Variants in ROS1 observed in about 807,000 individuals in gnomAD.
ROS1 encodes the protein ROS proto-oncogene 1, receptor tyrosine kinase.
In ROS1, 263 loss-of-function variants were observed where a neutral mutation model predicts 273.5. The observed-to-expected ratio is 0.96, with a 90% CI of 0.87 to 1.06. The LOEUF is 1.06. ROS1 is among the 50% of genes least tolerant of loss of function. ROS1 has a pLI of 0.00. For missense variants in ROS1, 2,833 were observed against 2,751.1 expected, an observed-to-expected ratio of 1.03 and a Z score of -0.67; for synonymous variants, 1,008 against 954.1, an observed-to-expected ratio of 1.06 and a Z score of -1.04.
chr6:117,309,558 C>T (rs1385815706), intron 41 of ROS1, among the ~76,000 whole-genome samples: 3 of 152,102 alleles, frequency 2.0e-5, no homozygotes, highest in Admixed American at 2.0e-4. Flanking sequence ...GCCAGCCCAA[C>T]TTAAAAGTCA....
intron 31 of ROS1, among the ~76,000 whole-genome samples, chr6:117,338,257 A>T (rs562884673): frequency 6.6e-5 from 10 of 152,240 alleles, no homozygotes; most frequent in African/African-American, 2.2e-4. Flanking sequence ...ACATCATTTC[A>T]TTAAATGGAT....
chr6:117,397,398 G>C (rs985182580), intron 7 of ROS1, among the ~76,000 whole-genome samples: 2 of 152,040 alleles, frequency 1.3e-5, no homozygotes, highest in Non-Finnish European at 2.9e-5. Context: ...TTTAAAAAAA[G>C]TCATCAGGAA....
rs561377608 is a variant in ROS1, at chr6:117,320,277, A to G, written c.5760-247T>C. On this transcript the variant is annotated intron_variant, in intron 36 of 43. Transcript: ENST00000368507. ...TAGGCACCTTAATTTTGATAAAAATATATATGTGTATGCATTGCCTCAACA... is the reference window on the plus strand; with the variant it reads ...TAGGCACCTTAATTTTGATAAAAATGTATATGTGTATGCATTGCCTCAACA... Among the ~76,000 whole-genome samples the G allele has an allele frequency of 3.7e-4, 56 of 152,280 alleles. No individual in the cohort carries two copies. In the South Asian group the frequency reaches 6.4e-3, roughly 17 times the overall value.
chr6:117,289,203 T>A (rs1252534813), intron 43 of ROS1, among the ~76,000 whole-genome samples: 1 of 152,258 alleles, frequency 6.6e-6, no homozygotes, highest in Non-Finnish European at 1.5e-5. Context: ...TGTACTTTTT[T>A]ATACTTCCAC....
chr6:117,314,231 A>C (rs886399173), intron 39 of ROS1, among the ~76,000 whole-genome samples: 1 of 152,114 alleles, frequency 6.6e-6, no homozygotes, highest in African/African-American at 2.4e-5. Context: ...GTATAGTGAA[A>C]ATTTTCATAA....
intron 6 of ROS1, among the ~76,000 whole-genome samples, chr6:117,403,531 C>T (rs905474869): frequency 2.0e-5 from 3 of 152,074 alleles, no homozygotes; most frequent in African/African-American, 7.2e-5. Context: ...TATGTTAGTA[C>T]ACATAGTATC....
At chr6:117,366,587 C>T (rs9387466) in intron 18 of ROS1, among the ~76,000 whole-genome samples, 60,368 of 151,846 alleles carry the variant, frequency 0.4, 12,795 homozygotes, top group African/African-American at 0.53. Flanking sequence ...GATCACAGTT[C>T]GCTGCAACCT....
intron 18 of ROS1, among the ~76,000 whole-genome samples, chr6:117,376,149 G>A (rs1254638440): frequency 1.3e-5 from 2 of 151,982 alleles, no homozygotes; most frequent in African/African-American, 2.4e-5. Flanking sequence ...CTTTTAGCAG[G>A]AGTGATCAAG....
chr6:117,336,857 A>G (rs1437961438), intron 32 of ROS1, among the ~76,000 whole-genome samples: 1 of 152,134 alleles, frequency 6.6e-6, no homozygotes, highest in Non-Finnish European at 1.5e-5. Context: ...TAGCCAATAA[A>G]TATTTTTTGA....
intron 18 of ROS1, among the ~76,000 whole-genome samples, chr6:117,373,430 G>A (rs962595161): frequency 1.7e-4 from 26 of 152,232 alleles, no homozygotes; most frequent in Non-Finnish European, 1.3e-4. Flanking sequence ...GCCTTGCCCC[G>A]CAGGGAGGCG....
At chr6:117,371,622 C>T (rs374819767) in intron 18 of ROS1, among the ~76,000 whole-genome samples, 17 of 152,248 alleles carry the variant, frequency 1.1e-4, no homozygotes, top group African/African-American at 4.1e-4. Context: ...ACACAGAAAC[C>T]ATGACAGGTG....
chr6:117,392,023 C>A (rs971777943), intron 12 of ROS1, among the ~76,000 whole-genome samples: 3 of 152,084 alleles, frequency 2.0e-5, no homozygotes, highest in Non-Finnish European at 4.4e-5. Flanking sequence ...CCACTGAAGA[C>A]CTCAGTGATC....
At chr6:117,315,474 C>T (rs1775852733) in intron 39 of ROS1, among the ~76,000 whole-genome samples, 1 of 151,994 alleles carries the variant, frequency 6.6e-6, no homozygotes, top group Non-Finnish European at 1.5e-5. Flanking sequence ...AGGCAAAAAA[C>T]AGACCACTGA....
At position 117,386,946 on chromosome 6, in the gene ROS1, G is replaced by C. The variant is rs924678775; in HGVS notation, c.2053C>G (p.Pro685Ala). 1 of 1,612,960 alleles carries C rather than the reference G, an allele frequency of 6.2e-7. No homozygotes were observed. The highest frequency in any genetic ancestry group is 1.1e-5 in the South Asian group (1 of 91,004). ...AVKEDGLWSK[P>A]LNSFGPGEFL... ...TCTCCTGGGCCAAAGCTATTTAATG[G>C]TTTACTCCAAAGCCCATCTTCTTTC... Residue 685 changes from proline (P) to alanine (A), a missense_variant, in exon 15 of 44, where the codon CCA becomes GCA. Coordinates refer to ENST00000368507, the MANE Select transcript of ROS1 (RefSeq NM_001378902.1).
chr6:117,401,824 AC>A (rs1773968991), intron 7 of ROS1, among the ~76,000 whole-genome samples: 1 of 151,336 alleles, frequency 6.6e-6, no homozygotes, highest in Non-Finnish European at 1.5e-5. Flanking sequence ...AAAAAAAAAA[AC>A]AGGAGGTGAA....
chr6:117,408,088 T>C (rs1774570202), intron 5 of ROS1, among the ~76,000 whole-genome samples: 1 of 151,740 alleles, frequency 6.6e-6, no homozygotes, highest in Non-Finnish European at 1.5e-5. Flanking sequence ...ACTTAAACAT[T>C]AGACCTAAAA....
At position 117,383,317 on chromosome 6, in the gene ROS1, C is replaced by G. The variant is rs981224591; in HGVS notation, c.2481G>C (p.Lys827Asn). The G allele has an allele frequency of 6.2e-7, 1 of 1,609,788 alleles. No homozygotes were observed. The highest frequency in any genetic ancestry group is 8.5e-7 in the Non-Finnish European group (1 of 1,176,698). ...ATGATCAGATCTTTTAATTTGTCAC[C>G]TTTTTCCCAGAAAACCAAGGCTGTG... ...LQTQPWFSGK[K>N]VIALTLDLSD... The change falls in exon 17 of 44, where the codon AAG (lysine) becomes AAC (asparagine). Residue 827 changes from lysine (K) to asparagine (N), a missense_variant and splice_region_variant. Physicochemically the swap from Lys to Asn is moderately conservative, Grantham distance 94. Transcript: ENST00000368507.
intron 32 of ROS1, among the ~76,000 whole-genome samples, chr6:117,331,950 C>T (rs1318659297): frequency 6.6e-6 from 1 of 152,066 alleles, no homozygotes; most frequent in Admixed American, 6.6e-5. Context: ...GCAAAATAAC[C>T]AAATAGCATC....
chr6:117,307,150 GTT>G (rs1392853848), intron 42 of ROS1, among the ~76,000 whole-genome samples: 3 of 152,112 alleles, frequency 2.0e-5, no homozygotes, highest in Admixed American at 1.3e-4. Flanking sequence ...ATAGAGCAAA[GTT>G]CAACTTGTCT....
Sources: allele counts gnomAD v4.1 joint callset (sites outside exome capture counted in the v4.1 genomes callset), GRCh38; gene constraint gnomAD v4.1.1; transcripts MANE v1.5; gene names NCBI Gene and HGNC (gene_info 2026-07-23, HGNC 2026-07-21).